The following ACSM1 variants were observed in gnomAD, a reference collection of about 807,000 sequenced individuals.
The protein encoded by ACSM1 is acyl-CoA synthetase medium chain family member 1.
In ACSM1, 79 loss-of-function variants were observed where a neutral mutation model predicts 75.8. The ratio of observed to expected loss-of-function variants is 1.04; its 90% CI spans 0.87 to 1.26. The LOEUF is 1.26. ACSM1 is among the 50% of genes most tolerant of loss of function. The pLI, the probability that ACSM1 is intolerant of heterozygous loss-of-function variation, is 0.00. For missense variants in ACSM1, 676 were observed against 720.1 expected, an observed-to-expected ratio of 0.94 and a Z score of 0.70; for synonymous variants, 279 against 265.8, an observed-to-expected ratio of 1.05 and a Z score of -0.48.
chr16:20,668,031 G>C (rs185983219), intron 6 of ACSM1, among the ~76,000 whole-genome samples: 5 of 152,222 alleles, frequency 3.3e-5, no homozygotes, highest in East Asian at 3.9e-4. Flanking sequence ...AGACAGGGAG[G>C]GGGTCGTGGG....
At chr16:20,652,219 T>A (rs1290281016) in intron 7 of ACSM1, among the ~76,000 whole-genome samples, 1 of 152,148 alleles carries the variant, frequency 6.6e-6, no homozygotes, top group African/African-American at 2.4e-5. Context: ...ATGGAATAAA[T>A]GCTTGTAAAC....
intron 6 of ACSM1, among the ~76,000 whole-genome samples, chr16:20,663,735 T>C (rs576407515): frequency 6.6e-6 from 1 of 150,984 alleles, no homozygotes; most frequent in East Asian, 2.0e-4. Context: ...TAATTGCTGG[T>C]ATCTTTCTAC....
At chr16:20,664,246 T>C (rs1373358872) in intron 6 of ACSM1, among the ~76,000 whole-genome samples, 1 of 152,012 alleles carries the variant, frequency 6.6e-6, no homozygotes, top group African/African-American at 2.4e-5. Flanking sequence ...AACTGTCTTC[T>C]GTCTTCATGA....
chr16:20,680,006 A>T (rs2079406186), intron 4 of ACSM1: 1 of 152,182 alleles, frequency 6.6e-6, no homozygotes. Context: ...AACACAAGAG[A>T]GGCTTAGCAG....
intron 2 of ACSM1, 76 bp downstream of exon 2, chr16:20,690,921 T>C: frequency 6.9e-7 from 1 of 1,457,478 alleles, no homozygotes; most frequent in Admixed American, 2.3e-5. Flanking sequence ...TTCCATACCT[T>C]TCAGCCTAGT....
intron 6 of ACSM1, among the ~76,000 whole-genome samples, chr16:20,662,586 T>G (rs143514264): frequency 3.1e-4 from 47 of 152,298 alleles, no homozygotes; most frequent in African/African-American, 1.0e-3. Flanking sequence ...TTTGGGTATC[T>G]TAATTTAAAT....
rs766453598 is a variant in ACSM1, at chr16:20,691,051, C to A, written c.138G>T (p.Pro46=). The A allele has an allele frequency of 6.2e-7, 1 of 1,613,742 alleles. No individual in the cohort carries two copies. Among genetic ancestry groups the A allele is most frequent in the Non-Finnish European group, 8.5e-7 (1 of 1,179,838 alleles). The change falls in exon 2 of 14, where the codon CCG becomes CCT. Residue 46 remains proline (P), a synonymous_variant. Coordinates refer to ENST00000520010, the MANE Select transcript of ACSM1 (RefSeq NM_001318890.3). The part of the protein sequence containing the change: ...GAPRWNDYEV[P]EEFNFASYVL... ...CATAACTTGCAAAGTTAAATTCCTC[C>A]GGTACTTCATAGTCATTCCATCTTG...
At chr16:20,679,820 A>G (rs143727746) in intron 4 of ACSM1, 16 of 152,346 alleles carry the variant, frequency 1.1e-4, no homozygotes, top group Admixed American at 6.5e-4. Context: ...CTCTTACCCT[A>G]TGAATTCTGG....
At chr16:20,630,605 G>A (rs1320400113) in intron 10 of ACSM1, among the ~76,000 whole-genome samples, 1 of 152,048 alleles carries the variant, frequency 6.6e-6, no homozygotes, top group African/African-American at 2.4e-5. Flanking sequence ...TTTCAATAAC[G>A]AGTAGAAAAA....
chr16:20,639,560 C>T (rs1311970610), intron 8 of ACSM1, among the ~76,000 whole-genome samples: 1 of 152,150 alleles, frequency 6.6e-6, no homozygotes, highest in East Asian at 1.9e-4. Context: ...AGTGTGAAAA[C>T]GCCCTTAGAC....
chr16:20,673,760 C>T (rs1281366037), intron 4 of ACSM1, among the ~76,000 whole-genome samples: 1 of 152,124 alleles, frequency 6.6e-6, no homozygotes, highest in Non-Finnish European at 1.5e-5. Flanking sequence ...TTCATTTTAA[C>T]CTTTCATTCA....
At chr16:20,642,636 A>C (rs2018130126) in intron 7 of ACSM1, among the ~76,000 whole-genome samples, 1 of 152,248 alleles carries the variant, frequency 6.6e-6, no homozygotes, top group Non-Finnish European at 1.5e-5. Context: ...CGTGCAATAC[A>C]ATCTCCAAGC....
At chr16:20,670,233 A>G (rs2019819868) in intron 5 of ACSM1, among the ~76,000 whole-genome samples, 1 of 152,186 alleles carries the variant, frequency 6.6e-6, no homozygotes, top group Non-Finnish European at 1.5e-5. Flanking sequence ...TGTTCTCTGT[A>G]ACCAGACATG....
intron 1 of ACSM1, among the ~76,000 whole-genome samples, chr16:20,695,586 TTATC>T (rs773903857): frequency 1.1e-4 from 17 of 152,232 alleles, no homozygotes; most frequent in East Asian, 9.6e-4. Context: ...TACCTATCTA[TTATC>T]TATCTATCAT....
chr16:20,674,183 G>A (rs768380019), intron 4 of ACSM1: 20 of 404,070 alleles, frequency 4.9e-5, no homozygotes, highest in Non-Finnish European at 1.0e-4. Context: ...TGCCCCAGAG[G>A]AAGAGAAAGA....
At chr16:20,657,030 T>C (rs2019008314) in intron 7 of ACSM1, among the ~76,000 whole-genome samples, 1 of 152,134 alleles carries the variant, frequency 6.6e-6, no homozygotes, top group South Asian at 2.1e-4. Flanking sequence ...TATATATATT[T>C]ACTAATAGGA....
intron 8 of ACSM1, among the ~76,000 whole-genome samples, chr16:20,638,324 T>C (rs1365517396): frequency 6.6e-6 from 1 of 152,252 alleles, no homozygotes; most frequent in African/African-American, 2.4e-5. Flanking sequence ...TACTGGCTAT[T>C]ACTCAAGCTA....
chr16:20,663,692 T>C (rs763512081), intron 6 of ACSM1, among the ~76,000 whole-genome samples: 1 of 152,170 alleles, frequency 6.6e-6, no homozygotes, highest in African/African-American at 2.4e-5. Context: ...AGCACATCTA[T>C]AGAGAAAAGC....
At chr16:20,645,534 A>T (rs535941496) in intron 7 of ACSM1, among the ~76,000 whole-genome samples, 2 of 152,314 alleles carry the variant, frequency 1.3e-5, no homozygotes, top group East Asian at 3.9e-4. Context: ...GAGGGTTGGG[A>T]CAATTATTTG....
Sources: allele counts gnomAD v4.1 joint callset (sites outside exome capture counted in the v4.1 genomes callset), GRCh38; gene constraint gnomAD v4.1.1; transcripts MANE v1.5; gene names NCBI Gene and HGNC (gene_info 2026-07-23, HGNC 2026-07-21).